CTNNA2: variants seen among roughly 807,000 people sequenced by gnomAD.
CTNNA2 encodes the protein catenin alpha 2.
A neutral mutation model predicts 101.0 loss-of-function variants in CTNNA2; 42 were observed. That is an observed-to-expected ratio of 0.42 (90% CI 0.32 to 0.54). The LOEUF is 0.54. CTNNA2 is among the 20% of genes least tolerant of loss of function. CTNNA2 has a pLI of 0.14. For missense variants in CTNNA2, 871 were observed against 1,223.1 expected (o/e 0.71, Z 4.29); for synonymous variants, 450 against 456.4 (o/e 0.99, Z 0.18).
chr2:80,619,167 C>T lies in CTNNA2; in HGVS notation c.2513C>T (p.Thr838Ile). 1 of 1,579,882 alleles carries T rather than the reference C, an allele frequency of 6.3e-7. No homozygotes were observed. Among genetic ancestry groups the T allele is most frequent in the Non-Finnish European group, 8.6e-7 (1 of 1,162,286 alleles). The part of the protein sequence containing the change: ...IDGGRASQLS[T>I]HLPTCAEGAP... ...GGGGGCAGGGCTAGTCAACTTTCTACCCACCTCCCAACCTGTGCTGAGGGA... is the reference window on the plus strand; with the variant it reads ...GGGGGCAGGGCTAGTCAACTTTCTATCCACCTCCCAACCTGTGCTGAGGGA... Residue 838 changes from threonine to isoleucine, a missense_variant, in exon 18 of 19, where the codon ACC becomes ATC. Thr to Ile is a moderately conservative substitution (Grantham distance 89). Around this residue, in one of 5 missense-constraint regions of CTNNA2, gnomAD observed 65 missense variants for 53.3 expected, o/e 1.22. Coordinates refer to ENST00000402739, the MANE Select transcript of CTNNA2 (RefSeq NM_001282597.3).
At chr2:80,512,765 C>T (rs1688809825) in intron 9 of CTNNA2, among the ~76,000 whole-genome samples, 1 of 151,474 alleles carries the variant, frequency 6.6e-6, no homozygotes, top group African/African-American at 2.4e-5. Context: ...TCATCACTGT[C>T]CCCTTAAGGA....
chr2:79,980,297 G>A (rs772791182), intron 7 of CTNNA2, among the ~76,000 whole-genome samples: 16 of 152,038 alleles, frequency 1.1e-4, no homozygotes, highest in Non-Finnish European at 2.1e-4. Flanking sequence ...TTGCTCATAT[G>A]AGTAAATGCA....
chr2:80,103,131 A>G (rs112189958), intron 7 of CTNNA2, among the ~76,000 whole-genome samples: 55 of 152,222 alleles, frequency 3.6e-4, no homozygotes, highest in African/African-American at 1.2e-3. Flanking sequence ...GTACCTCTTT[A>G]TTAGTCCACT....
chr2:79,567,022 G>T (rs985502305), intron 1 of CTNNA2, among the ~76,000 whole-genome samples: 9 of 152,126 alleles, frequency 5.9e-5, no homozygotes, highest in African/African-American at 2.2e-4. Flanking sequence ...ACACATTTGG[G>T]TAAACATATA....
At chr2:79,990,747 G>A (rs1190921908) in intron 7 of CTNNA2, among the ~76,000 whole-genome samples, 1 of 152,046 alleles carries the variant, frequency 6.6e-6, no homozygotes, top group Non-Finnish European at 1.5e-5. Context: ...CTCTTTTTTT[G>A]TTGTGTCTCT....
chr2:80,256,912 C>T (rs1409426126), intron 7 of CTNNA2, among the ~76,000 whole-genome samples: 1 of 152,158 alleles, frequency 6.6e-6, no homozygotes, highest in Non-Finnish European at 1.5e-5. Flanking sequence ...GTAGAAGCTG[C>T]TGTGTCTAGA....
At chr2:80,052,240 A>G (rs1696922118) in intron 7 of CTNNA2, among the ~76,000 whole-genome samples, 1 of 152,222 alleles carries the variant, frequency 6.6e-6, no homozygotes, top group East Asian at 1.9e-4. Context: ...CAACAGTAAT[A>G]AACTAGATAA....
chr2:79,222,013 G>T (rs754265762), intron 2 of CTNNA2, among the ~76,000 whole-genome samples: 5 of 152,060 alleles, frequency 3.3e-5, no homozygotes, highest in Non-Finnish European at 7.4e-5. Flanking sequence ...TGAAAAAGCT[G>T]CCCAGCCCCT....
At chr2:79,620,461 C>T (rs981494217) in intron 1 of CTNNA2, among the ~76,000 whole-genome samples, 2 of 152,224 alleles carry the variant, frequency 1.3e-5, no homozygotes, top group Admixed American at 6.5e-5. Context: ...CCTCTCCACT[C>T]ATACACATAT....
At chr2:79,669,166 A>C (rs913677507) in intron 2 of CTNNA2, among the ~76,000 whole-genome samples, 2 of 152,350 alleles carry the variant, frequency 1.3e-5, no homozygotes, top group Admixed American at 1.3e-4. Flanking sequence ...ACTATCTTTA[A>C]GGGCCATGAA....
intron 3 of CTNNA2, among the ~76,000 whole-genome samples, chr2:79,318,069 A>T (rs1337575475): frequency 6.6e-6 from 1 of 152,104 alleles, no homozygotes; most frequent in African/African-American, 2.4e-5. Context: ...TTATTTGTCT[A>T]TATAGGGACT....
chr2:80,346,827 A>G (rs1410596243), intron 7 of CTNNA2, among the ~76,000 whole-genome samples: 1 of 152,212 alleles, frequency 6.6e-6, no homozygotes, highest in East Asian at 1.9e-4. Context: ...TCCAATTTAA[A>G]ATTCTGTATT....
chr2:79,900,805 G>C (rs1685021315), intron 6 of CTNNA2, among the ~76,000 whole-genome samples: 2 of 152,136 alleles, frequency 1.3e-5, no homozygotes, highest in African/African-American at 4.8e-5. Flanking sequence ...AGTATAATGG[G>C]AATGTTTGTA....
chr2:80,516,348 A>C (rs1689107598), intron 9 of CTNNA2, among the ~76,000 whole-genome samples: 1 of 152,276 alleles, frequency 6.6e-6, no homozygotes, highest in East Asian at 1.9e-4. Flanking sequence ...CGCAGAAGCT[A>C]TGTGATTTCC....
chr2:80,066,500 CT>C (rs1697994909), intron 7 of CTNNA2, among the ~76,000 whole-genome samples: 1 of 152,124 alleles, frequency 6.6e-6, no homozygotes. Context: ...TGTTCAACAT[CT>C]TTAATCATCA....
chr2:79,273,498 T>C (rs1356944297), intron 2 of CTNNA2, among the ~76,000 whole-genome samples: 2 of 152,076 alleles, frequency 1.3e-5, no homozygotes, highest in Non-Finnish European at 2.9e-5. Flanking sequence ...TAAGGAGTGG[T>C]ATTTCCACTT....
At chr2:80,093,503 C>A (rs1382454952) in intron 7 of CTNNA2, among the ~76,000 whole-genome samples, 2 of 152,046 alleles carry the variant, frequency 1.3e-5, no homozygotes, top group Non-Finnish European at 2.9e-5. Flanking sequence ...GATTTATAAT[C>A]CTTTGGGTAT....
intron 9 of CTNNA2, among the ~76,000 whole-genome samples, chr2:80,499,252 G>A (rs1249147633): frequency 6.6e-6 from 1 of 152,162 alleles, no homozygotes; most frequent in Non-Finnish European, 1.5e-5. Flanking sequence ...TAATTCTGAA[G>A]GCGTACAGCT....
At chr2:80,426,611 C>T (rs1041482176) in intron 9 of CTNNA2, among the ~76,000 whole-genome samples, 18 of 152,210 alleles carry the variant, frequency 1.2e-4, no homozygotes, top group African/African-American at 4.3e-4. Context: ...CATATAATTT[C>T]CCTGCCTGAG....
Sources: gnomAD v4.1 joint callset for allele counts (sites outside exome capture counted in the v4.1 genomes callset) on GRCh38, gnomAD v4.1.1 for gene constraint, gnomAD v4.1.1 regional missense constraint, MANE v1.5 for transcripts, NCBI Gene and HGNC (gene_info 2026-07-23, HGNC 2026-07-21) for gene names.